The following MGAT4C variants were observed in gnomAD, a reference collection of about 807,000 sequenced individuals.
MGAT4C encodes the protein MGAT4 family member C, also known as alpha-1,3-mannosyl-glycoprotein 4-beta-N-acetylglucosaminyltransferase C.
In MGAT4C, 19 loss-of-function variants were observed where a neutral mutation model predicts 40.1. That is an observed-to-expected ratio of 0.47 (90% CI 0.33 to 0.70). The LOEUF (loss-of-function observed/expected upper bound fraction) is 0.70. Among genes scored for constraint, MGAT4C ranks in the 30% least tolerant of loss-of-function variants. MGAT4C has a pLI of 0.02. For synonymous variants in MGAT4C, 181 were observed against 187.1 expected (o/e 0.97, Z 0.27); for missense variants, 491 against 563.2 (o/e 0.87, Z 1.30).
chr12:86,451,661 A>C (rs1957426661), intron 2 of MGAT4C, among the ~76,000 whole-genome samples: 1 of 152,028 alleles, frequency 6.6e-6, no homozygotes, highest in African/African-American at 2.4e-5. Flanking sequence ...TCTTTCCAAA[A>C]CACTGAGTAT....
chr12:86,163,420 G>A (rs1260314257), intron 1 of MGAT4C, among the ~76,000 whole-genome samples: 1 of 152,098 alleles, frequency 6.6e-6, no homozygotes, highest in Non-Finnish European at 1.5e-5. Context: ...TTGAACGACT[G>A]TCCTGAAGCA....
At chr12:86,730,245 T>C (rs1296937959) in intron 1 of MGAT4C, among the ~76,000 whole-genome samples, 1 of 152,174 alleles carries the variant, frequency 6.6e-6, no homozygotes, top group East Asian at 1.9e-4. Flanking sequence ...TGCTACTTGA[T>C]AGATTAAAAT....
chr12:86,790,847 A>G (rs1238555772), intron 1 of MGAT4C, among the ~76,000 whole-genome samples: 1 of 152,160 alleles, frequency 6.6e-6, no homozygotes, highest in Non-Finnish European at 1.5e-5. Flanking sequence ...AATGGAATCT[A>G]GGGCCTGGGC....
chr12:86,102,944 AATTGCTTAT>A lies in MGAT4C; in HGVS notation c.-56-53230_-56-53222del, dbSNP rs1168049615. The stretch of plus-strand genomic sequence containing the variant: ...AGCACAAATGTATCAGATATTTTGC[AATTGCTTAT>A]ATTGGCAAAAAGGGCAAATATAATA... On this transcript the variant is annotated intron_variant, in intron 1 of 4. Coordinates refer to ENST00000611864, the MANE Select transcript of MGAT4C (RefSeq NM_001351288.2). Among the ~76,000 whole-genome samples, 8 of 152,304 alleles carry A rather than the reference AATTGCTTAT, an allele frequency of 5.3e-5. No homozygotes were observed. The East Asian group carries it at 9.6e-4, about 18-fold the overall frequency.
intron 3 of MGAT4C, among the ~76,000 whole-genome samples, chr12:86,427,888 C>A (rs781314741): frequency 2.6e-5 from 4 of 151,950 alleles, no homozygotes; most frequent in Non-Finnish European, 5.9e-5. Flanking sequence ...AGCTTGGTGG[C>A]AGGTGCCTGT....
At chr12:86,460,038 C>A (rs1195710997) in intron 2 of MGAT4C, among the ~76,000 whole-genome samples, 1 of 151,896 alleles carries the variant, frequency 6.6e-6, no homozygotes, top group South Asian at 2.1e-4. Context: ...AGATTTGTAA[C>A]GCAAGTTCTT....
chr12:86,587,732 T>C (rs1214749789), intron 2 of MGAT4C, among the ~76,000 whole-genome samples: 3 of 151,680 alleles, frequency 2.0e-5, no homozygotes, highest in African/African-American at 4.8e-5. Flanking sequence ...AGTTCACTCA[T>C]GATTTGGCTC....
chr12:86,191,995 C>CA (rs1395156860), intron 1 of MGAT4C, among the ~76,000 whole-genome samples: 1 of 146,242 alleles, frequency 6.8e-6, no homozygotes, highest in Non-Finnish European at 1.5e-5. Flanking sequence ...ATCCCAGGGA[C>CA]AAAAAACCAA....
chr12:86,489,981 C>A (rs1035821221), intron 2 of MGAT4C, among the ~76,000 whole-genome samples: 1 of 151,640 alleles, frequency 6.6e-6, no homozygotes. Context: ...AGAATGGAAC[C>A]AAGTTGGAAA....
chr12:86,233,572 C>G lies in MGAT4C; in HGVS notation c.-57+22667G>C, dbSNP rs181448328. 2.6e-5 allele frequency among the ~76,000 whole-genome samples: 4 copies of G among 152,250 alleles called. No individual in the cohort carries two copies. In the East Asian group the frequency reaches 7.7e-4, roughly 29 times the overall value. On this transcript the variant is annotated intron_variant, in intron 1 of 4. Transcript: ENST00000611864. ...TTGTTGGTGAATTCCAGGACAATTT[C>G]TTTCTGCTACAACTACAAAGTGGGG...
intron 2 of MGAT4C, among the ~76,000 whole-genome samples, chr12:86,014,837 A>T (rs889019521): frequency 2.6e-5 from 4 of 151,814 alleles, no homozygotes; most frequent in Admixed American, 6.6e-5. Flanking sequence ...TATTATTATT[A>T]TTTTTTATTT....
chr12:86,469,203 T>G lies in MGAT4C; in HGVS notation c.-228-33938A>C, dbSNP rs113053989. On this transcript the variant is annotated intron_variant, in intron 2 of 7. Transcript: ENST00000548651. ...ATATATTATATCAGTTAATCCTGTG[T>G]TAGGCAACTTCTAGAGGGTTTCAAT... Among the ~76,000 whole-genome samples the G allele has an allele frequency of 3.5e-3, 533 of 152,254 alleles. 2 individuals carry two copies. Among genetic ancestry groups the G allele is most frequent in the African/African-American group, 0.012 (513 of 41,550 alleles).
chr12:86,354,194 G>C (rs143151937), intron 3 of MGAT4C, among the ~76,000 whole-genome samples: 1 of 152,052 alleles, frequency 6.6e-6, no homozygotes, highest in Non-Finnish European at 1.5e-5. Context: ...TAGAAGTTGG[G>C]TCATATCATT....
intron 1 of MGAT4C, among the ~76,000 whole-genome samples, chr12:86,170,343 C>T (rs1243887159): frequency 6.6e-6 from 1 of 152,148 alleles, no homozygotes; most frequent in African/African-American, 2.4e-5. Flanking sequence ...TCATTTGAAA[C>T]TTGATACTTT....
intron 2 of MGAT4C, among the ~76,000 whole-genome samples, chr12:86,532,735 T>TGCC (rs879397445): frequency 1.4e-4 from 22 of 152,160 alleles, no homozygotes; most frequent in Non-Finnish European, 2.9e-4. Context: ...TACATTTTAA[T>TGCC]ATGAATGCCA....
intron 1 of MGAT4C, among the ~76,000 whole-genome samples, chr12:86,178,959 C>T (rs1228233858): frequency 6.6e-6 from 1 of 152,146 alleles, no homozygotes; most frequent in African/African-American, 2.4e-5. Context: ...AACCTATTTG[C>T]CTGCTATTTG....
intron 3 of MGAT4C, among the ~76,000 whole-genome samples, chr12:86,418,255 T>C (rs571169331): frequency 1.2e-4 from 18 of 152,106 alleles, no homozygotes; most frequent in Non-Finnish European, 2.5e-4. Flanking sequence ...CATATAAACA[T>C]AAGTCTGGGT....
At chr12:86,569,591 A>C (rs1412416264) in intron 2 of MGAT4C, among the ~76,000 whole-genome samples, 1 of 152,086 alleles carries the variant, frequency 6.6e-6, no homozygotes, top group Non-Finnish European at 1.5e-5. Flanking sequence ...TGTTGCTATG[A>C]GTGTTAATTA....
chr12:86,343,431 T>C (rs1954944300), intron 3 of MGAT4C, among the ~76,000 whole-genome samples: 1 of 152,204 alleles, frequency 6.6e-6, no homozygotes, highest in African/African-American at 2.4e-5. Flanking sequence ...TTTTAGTTAT[T>C]TGAGCATATT....
Sources: gnomAD v4.1 joint callset for allele counts (sites outside exome capture counted in the v4.1 genomes callset) on GRCh38, gnomAD v4.1.1 for gene constraint, MANE v1.5 for transcripts, NCBI Gene and HGNC (gene_info 2026-07-23, HGNC 2026-07-21) for gene names.